TIMM21: variants seen among roughly 807,000 people sequenced by gnomAD.
TIMM21 encodes the protein mitochondrial import inner membrane translocase subunit Tim21.
In TIMM21, 30 loss-of-function variants were observed where a neutral mutation model predicts 27.7. That is an observed-to-expected ratio of 1.08 (90% CI 0.81 to 1.47). The LOEUF (loss-of-function observed/expected upper bound fraction) is 1.47. Ranked by LOEUF, TIMM21 falls within the 40% of genes most tolerant of loss-of-function variation. The probability of loss-of-function intolerance (pLI) is 0.00; values close to 1 mark genes in which losing one functional copy is unlikely to be tolerated. For synonymous variants in TIMM21, 121 were observed against 114.4 expected (o/e 1.06, Z -0.37); for missense variants, 292 against 302.9 (o/e 0.96, Z 0.27).
In TIMM21 at chr18:74,148,743, A is replaced by G. The variant is rs1979682403; in HGVS notation, c.-66A>G. The G allele has an allele frequency of 7.3e-6, 11 of 1,504,540 alleles. No homozygotes were observed. The highest frequency in any genetic ancestry group is 2.1e-4 in the Middle Eastern group (1 of 4,862). The allele number at this position is 1,504,540 out of a possible 1,614,324, so 93.2% of individuals were successfully genotyped here. On this transcript the variant is annotated 5_prime_UTR_variant, in exon 1 of 6. Transcript: ENST00000169551. ...TGAGTACGTGTCCGGCCGCATGTGTAGTGAACCCTAAAGCTTTCCTAATTG... is the reference window on the plus strand; with the variant it reads ...TGAGTACGTGTCCGGCCGCATGTGTGGTGAACCCTAAAGCTTTCCTAATTG...
At chr18:74,149,598 G>C (rs1329901126) in intron 1 of TIMM21, among the ~76,000 whole-genome samples, 2 of 151,714 alleles carry the variant, frequency 1.3e-5, no homozygotes, top group Non-Finnish European at 2.9e-5. Flanking sequence ...GAAAAAAAAA[G>C]ACAAAGCAAT....
rs1031046986 is a variant in TIMM21 at position 74,152,199 on chromosome 18, T to C, written c.302-2946T>C. On this transcript the variant is annotated intron_variant, in intron 1 of 5. Transcript: ENST00000169551. This position sits in a 1 kb window ranked among gnomAD's most constrained non-coding sequence, Gnocchi z 4.1. ...TTGGGATTCAAGATTTTTTACAACATTGACCTCAAGGGCCCCCTACCCAGC... is the reference window on the plus strand; with the variant it reads ...TTGGGATTCAAGATTTTTTACAACACTGACCTCAAGGGCCCCCTACCCAGC... Among the ~76,000 whole-genome samples the C allele has an allele frequency of 1.3e-4, 20 of 152,214 alleles. No individual in the cohort carries two copies. The highest frequency in any genetic ancestry group is 4.8e-4 in the African/African-American group (20 of 41,538).
At position 74,152,790 on chromosome 18, in the gene TIMM21, G is replaced by A. The variant is rs773267826; in HGVS notation, c.302-2355G>A. Reference sequence around the variant, plus strand: ...TTATCAGGGAGTGCTCTCAGAATACGTCTTGAGGGATGAGGGAAGCAGGAC... The same window carrying A: ...TTATCAGGGAGTGCTCTCAGAATACATCTTGAGGGATGAGGGAAGCAGGAC... On this transcript the variant is annotated intron_variant, in intron 1 of 5. Transcript: ENST00000169551. This position sits in a 1 kb window ranked among gnomAD's most constrained non-coding sequence, Gnocchi z 4.1. 6.6e-6 allele frequency among the ~76,000 whole-genome samples: 1 copy of A among 152,232 alleles called. No homozygotes were observed. The highest frequency in any genetic ancestry group is 1.5e-5 in the Non-Finnish European group (1 of 68,040).
At chr18:74,153,883 T>C (rs1294079567) in intron 1 of TIMM21, among the ~76,000 whole-genome samples, 1 of 152,248 alleles carries the variant, frequency 6.6e-6, no homozygotes, top group Non-Finnish European at 1.5e-5. Flanking sequence ...TTTAAAGATT[T>C]ATATTTCAGA....
In TIMM21 at chr18:74,148,832, C is replaced by G. The variant is rs146394838; in HGVS notation, c.24C>G (p.Ala8=). 1.9e-6 allele frequency: 3 copies of G among 1,608,522 alleles called. No homozygotes were observed. The highest frequency in any genetic ancestry group is 2.7e-5 in the African/African-American group (2 of 74,786). Residue 8 remains alanine (A), a synonymous_variant, in exon 1 of 6, where the codon GCC becomes GCG. Transcript: ENST00000169551. ...ACATGATTTGTACTTTTCTACGAGC[C>G]GTACAGTATACGGAGAAGCTGCACA... MICTFLR[A]VQYTEKLHRS...
intron 1 of TIMM21, among the ~76,000 whole-genome samples, chr18:74,149,743 A>G (rs769473164): frequency 4.2e-4 from 64 of 152,198 alleles, no homozygotes; most frequent in Non-Finnish European, 7.6e-4. Context: ...GACTATGCCA[A>G]AAACCTAGCT....
At chr18:74,154,037 A>G (rs181484678) in intron 1 of TIMM21, among the ~76,000 whole-genome samples, 6 of 152,336 alleles carry the variant, frequency 3.9e-5, no homozygotes, top group South Asian at 2.1e-4. Context: ...CTTTGCATAT[A>G]TATGAAGATA....
intron 1 of TIMM21, among the ~76,000 whole-genome samples, chr18:74,154,151 A>G (rs570023264): frequency 6.6e-6 from 1 of 152,352 alleles, no homozygotes; most frequent in South Asian, 2.1e-4. Context: ...ACAATCGGGA[A>G]TCTAGGGTGA....
At chr18:74,149,851 G>A (rs2121912341) in intron 1 of TIMM21, among the ~76,000 whole-genome samples, 1 of 152,346 alleles carries the variant, frequency 6.6e-6, no homozygotes, top group South Asian at 2.1e-4. Flanking sequence ...ATCTGGCTCA[G>A]GCAACAGTGC....
Position 74,152,253 on chromosome 18 carries a change from A to G in TIMM21, c.302-2892A>G, listed in dbSNP as rs1199438090. 6.6e-6 allele frequency among the ~76,000 whole-genome samples: 1 copy of G among 151,974 alleles called. No homozygotes were observed. The highest frequency in any genetic ancestry group is 1.5e-5 in the Non-Finnish European group (1 of 67,988). ...AGGTTGCCTTTCCTCCCAAATCAGG[A>G]CCCTGACCTTGGTGTGGGAGGTCTC... On this transcript the variant is annotated intron_variant, in intron 1 of 5. Transcript: ENST00000169551. This position sits in a 1 kb window ranked among gnomAD's most constrained non-coding sequence, Gnocchi z 4.1.
chr18:74,156,160 A>G (rs1334199575), intron 3 of TIMM21: 1 of 398,206 alleles, frequency 2.5e-6, no homozygotes, highest in East Asian at 3.6e-5. Context: ...TGAAAATATT[A>G]CTCATTGAAA....
In TIMM21 at chr18:74,155,378, T is replaced by G; in HGVS notation, c.437T>G (p.Leu146Ter). 1.2e-6 allele frequency: 2 copies of G among 1,612,566 alleles called. No homozygotes were observed. Among genetic ancestry groups the G allele is most frequent in the Non-Finnish European group, 1.7e-6 (2 of 1,179,682 alleles). The change falls in exon 3 of 6, where the codon TTA becomes TGA. Residue 146 changes from leucine (L) to a stop codon, truncating the protein, a stop_gained. Transcript: ENST00000169551. LOFTEE classifies it high-confidence loss of function. ...CCTAGCAAGATATATGGGAGAGCCT[T>G]AGAAAAATGCAGATCACATCCTGAG... ...SSPSKIYGRA[L>*]EKCRSHPEVI...
chr18:74,151,422 G>C (rs996263364), intron 1 of TIMM21, among the ~76,000 whole-genome samples: 25 of 152,190 alleles, frequency 1.6e-4, no homozygotes, highest in African/African-American at 5.5e-4. Flanking sequence ...CAACTCTGTT[G>C]CTTTCTGTAG....
intron 1 of TIMM21, among the ~76,000 whole-genome samples, chr18:74,150,514 G>A (rs1979772532): frequency 1.3e-5 from 2 of 152,216 alleles, no homozygotes. Flanking sequence ...TTATGATAGA[G>A]GGTGAGAGAA....
intron 1 of TIMM21, among the ~76,000 whole-genome samples, chr18:74,154,002 G>A (rs1189125446): frequency 6.6e-6 from 1 of 152,142 alleles, no homozygotes; most frequent in Non-Finnish European, 1.5e-5. Flanking sequence ...TAATGTTAAG[G>A]TAGTGTAACT....
Position 74,151,432 on chromosome 18 carries a change from G to A in TIMM21, c.301+2323G>A, listed in dbSNP as rs955841776. ...GTCATCAACTCTGTTGCTTTCTGTA[G>A]GTCAGACACTCCCGACTGCCACTCC... On this transcript the variant is annotated intron_variant, in intron 1 of 5. Transcript: ENST00000169551. 3.9e-5 allele frequency among the ~76,000 whole-genome samples: 6 copies of A among 152,226 alleles called. No homozygotes were observed. In the South Asian group the frequency reaches 6.2e-4, roughly 16 times the overall value.
intron 1 of TIMM21, among the ~76,000 whole-genome samples, chr18:74,151,971 C>T (rs1215597192): frequency 1.3e-5 from 2 of 148,594 alleles, no homozygotes; most frequent in Admixed American, 7.0e-5. Flanking sequence ...CAGCTCCTTC[C>T]GAGTATTGTT....
chr18:74,153,314 A>G (rs1406730946), intron 1 of TIMM21, among the ~76,000 whole-genome samples: 1 of 152,228 alleles, frequency 6.6e-6, no homozygotes, highest in Non-Finnish European at 1.5e-5. Context: ...TTGTTTATCA[A>G]ATAAATGGAA....
At chr18:74,155,042 T>G (rs1979911775) in intron 1 of TIMM21, 103 bp from the exon 2 acceptor site, 1 of 1,125,486 alleles carries the variant, frequency 8.9e-7, no homozygotes, top group Admixed American at 1.8e-5. Flanking sequence ...CCCCTTGCTT[T>G]GATCTGGAGG....
Sources: allele counts gnomAD v4.1 joint callset (sites outside exome capture counted in the v4.1 genomes callset), GRCh38; gene constraint gnomAD v4.1.1; non-coding constraint Gnocchi (gnomAD v3.1); transcripts MANE v1.5; gene names NCBI Gene and HGNC (gene_info 2026-07-23, HGNC 2026-07-21).